The following PRKN variants were observed in gnomAD, a reference collection of about 807,000 sequenced individuals.
PRKN encodes E3 ubiquitin-protein ligase parkin.
A neutral mutation model predicts 59.5 loss-of-function variants in PRKN; 56 were observed. The observed-to-expected ratio is 0.94, with a 90% CI of 0.76 to 1.18. PRKN has a LOEUF of 1.18. Ranked by LOEUF, PRKN falls within the 50% of genes most tolerant of loss-of-function variation. The pLI, the probability that PRKN is intolerant of heterozygous loss-of-function variation, is 0.00. For missense variants in PRKN, 657 were observed against 596.4 expected (o/e 1.10, Z -1.06); for synonymous variants, 250 against 222.1 (o/e 1.13, Z -1.12).
chr6:161,680,786 T>TTG (rs1785330074), intron 7 of PRKN, among the ~76,000 whole-genome samples: 1 of 121,696 alleles, frequency 8.2e-6, no homozygotes, highest in Non-Finnish European at 1.7e-5. Context: ...TTTTTTTTTT[T>TTG]TTTTCTTTTC....
At chr6:161,818,771 A>G (rs1583204162) in intron 6 of PRKN, among the ~76,000 whole-genome samples, 1 of 152,304 alleles carries the variant, frequency 6.6e-6, no homozygotes, top group South Asian at 2.1e-4. Context: ...AGAGATCTCC[A>G]ACAACAAGGG....
chr6:162,379,088 C>A (rs1786283100), intron 2 of PRKN, among the ~76,000 whole-genome samples: 1 of 152,192 alleles, frequency 6.6e-6, no homozygotes, highest in South Asian at 2.1e-4. Flanking sequence ...CCTTCTTACA[C>A]ATTTTAACCA....
rs1034876364 is a variant in PRKN at position 161,551,730 on chromosome 6, C to G, written c.934-2727G>C. Among the ~76,000 whole-genome samples, 2 of 152,058 alleles carry G rather than the reference C, an allele frequency of 1.3e-5. No homozygotes were observed. The highest frequency in any genetic ancestry group is 2.9e-5 in the Non-Finnish European group (2 of 68,032). On this transcript the variant is annotated intron_variant, in intron 8 of 11. Transcript: ENST00000366898. This position sits in a 1 kb window ranked among gnomAD's most constrained non-coding sequence, Gnocchi z 5.2. ...AAAGGAGTTTGCCAGTAAAAGGGAGCAGAGATCGGGGAGGCCATTGGATAG... is the reference window on the plus strand; with the variant it reads ...AAAGGAGTTTGCCAGTAAAAGGGAGGAGAGATCGGGGAGGCCATTGGATAG...
In PRKN at chr6:161,961,129, A is replaced by G. The variant is rs1393073828; in HGVS notation, c.734+12173T>C. 2.0e-5 allele frequency among the ~76,000 whole-genome samples: 3 copies of G among 152,202 alleles called. No homozygotes were observed. The East Asian group carries it at 5.8e-4, about 29-fold the overall frequency. On this transcript the variant is annotated intron_variant, in intron 6 of 11. Transcript: ENST00000366898. The stretch of plus-strand genomic sequence containing the variant: ...TATATACTGATGTCACATTATCCTG[A>G]CGTACACATGTGTCTGGACTGAGCG...
chr6:162,075,037 G>C lies in PRKN; in HGVS notation c.535-20863C>G, dbSNP rs190896737. Among the ~76,000 whole-genome samples, 560 of 152,148 alleles carry C rather than the reference G, an allele frequency of 3.7e-3. 17 individuals carry two copies. The East Asian group carries it at 0.064, about 17-fold the overall frequency. Reference sequence around the variant, plus strand: ...CACTCTTAACGGATTTAATTTAGGAGAACCATATGATTATCTTCGTCTGTT... The same window carrying C: ...CACTCTTAACGGATTTAATTTAGGACAACCATATGATTATCTTCGTCTGTT... On this transcript the variant is annotated intron_variant, in intron 4 of 11. Coordinates refer to ENST00000366898, the MANE Select transcript of PRKN (RefSeq NM_004562.3).
intron 4 of PRKN, among the ~76,000 whole-genome samples, chr6:162,129,790 ACTT>A (rs1235016980): frequency 6.6e-6 from 1 of 152,144 alleles, no homozygotes; most frequent in Non-Finnish European, 1.5e-5. Flanking sequence ...ATAATGGCCT[ACTT>A]CTTAAATTAT....
At chr6:161,692,652 A>G (rs536961549) in intron 7 of PRKN, among the ~76,000 whole-genome samples, 3 of 152,364 alleles carry the variant, frequency 2.0e-5, no homozygotes, top group African/African-American at 7.2e-5. Flanking sequence ...TACGCCTGCA[A>G]TCCCAGCACT....
chr6:162,373,202 C>A (rs1785866062), intron 2 of PRKN, among the ~76,000 whole-genome samples: 1 of 152,166 alleles, frequency 6.6e-6, no homozygotes, highest in Non-Finnish European at 1.5e-5. Flanking sequence ...ATAGCTACTT[C>A]AACGGAGCTT....
chr6:162,266,295 A>G (rs981621958), intron 2 of PRKN, among the ~76,000 whole-genome samples: 2 of 135,114 alleles, frequency 1.5e-5, no homozygotes, highest in Admixed American at 7.3e-5. Flanking sequence ...ATATACATAT[A>G]TATTGTGTGT....
chr6:161,822,151 C>T (rs1792057949), intron 6 of PRKN, among the ~76,000 whole-genome samples: 1 of 152,058 alleles, frequency 6.6e-6, no homozygotes, highest in Admixed American at 6.6e-5. Context: ...AGCAATAACA[C>T]CCCAATATTT....
intron 1 of PRKN, among the ~76,000 whole-genome samples, chr6:162,630,064 C>A (rs1303964425): frequency 6.6e-6 from 1 of 152,110 alleles, no homozygotes; most frequent in African/African-American, 2.4e-5. Context: ...CGATGGTCTG[C>A]ACAAGTAGGT....
chr6:161,848,609 G>A (rs1357739202), intron 6 of PRKN, among the ~76,000 whole-genome samples: 2 of 152,136 alleles, frequency 1.3e-5, no homozygotes, highest in Admixed American at 6.5e-5. Flanking sequence ...CATCTAATGC[G>A]TGAGAAAAAA....
At chr6:162,478,939 G>A (rs1039267153) in intron 1 of PRKN, among the ~76,000 whole-genome samples, 3 of 152,154 alleles carry the variant, frequency 2.0e-5, no homozygotes, top group Non-Finnish European at 4.4e-5. Flanking sequence ...AGCGAGTGGC[G>A]AGTGAATGGG....
At chr6:161,938,886 T>C (rs1779450621) in intron 6 of PRKN, among the ~76,000 whole-genome samples, 1 of 152,248 alleles carries the variant, frequency 6.6e-6, no homozygotes, top group African/African-American at 2.4e-5. Flanking sequence ...TGCCTAGAGA[T>C]GACTTCCCTT....
intron 7 of PRKN, among the ~76,000 whole-genome samples, chr6:161,698,114 T>C (rs757829511): frequency 6.6e-6 from 1 of 152,094 alleles, no homozygotes; most frequent in African/African-American, 2.4e-5. Context: ...TGTGATTAGA[T>C]TGAAGGAGTG....
At chr6:161,493,121 G>A (rs2115276977) in intron 9 of PRKN, among the ~76,000 whole-genome samples, 1 of 152,286 alleles carries the variant, frequency 6.6e-6, no homozygotes, top group Non-Finnish European at 1.5e-5. Context: ...TATCTGAAAT[G>A]TCTTCTTGGT....
intron 2 of PRKN, among the ~76,000 whole-genome samples, chr6:162,327,391 T>A (rs1297439900): frequency 1.3e-5 from 2 of 152,186 alleles, no homozygotes; most frequent in Non-Finnish European, 2.9e-5. Flanking sequence ...GCAATCTGAT[T>A]TTCTTTGGAC....
intron 3 of PRKN, among the ~76,000 whole-genome samples, chr6:162,237,524 C>G (rs1554289195): frequency 1.3e-5 from 2 of 152,142 alleles, no homozygotes; most frequent in South Asian, 4.1e-4. Flanking sequence ...GAGAAGTGCT[C>G]TACCTATCAA....
At position 162,723,457 on chromosome 6, in the gene PRKN, C is replaced by G. The variant is rs1779011689; in HGVS notation, c.7+4205G>C. Among the ~76,000 whole-genome samples, 3 of 152,106 alleles carry G rather than the reference C, an allele frequency of 2.0e-5. No individual in the cohort carries two copies. In the South Asian group the frequency reaches 6.2e-4, roughly 32 times the overall value. ...AGCTTGTACACTGAAAGGCACTACC[C>G]CTAGGGTGAGAGAGAGGTGGGGGAC... On this transcript the variant is annotated intron_variant, in intron 1 of 11. Transcript: ENST00000366898.
Sources: allele counts gnomAD v4.1 joint callset (sites outside exome capture counted in the v4.1 genomes callset), GRCh38; gene constraint gnomAD v4.1.1; non-coding constraint Gnocchi (gnomAD v3.1); transcripts MANE v1.5; gene names NCBI Gene and HGNC (gene_info 2026-07-23, HGNC 2026-07-21).